CEP192: variants seen among roughly 807,000 people sequenced by gnomAD.
CEP192 encodes the protein centrosomal protein 192.
CEP192 carries 151 observed loss-of-function variants against 271.8 expected under a neutral mutation model. The observed-to-expected ratio is 0.56, with a 90% confidence interval of 0.49 to 0.64. CEP192 has a LOEUF of 0.64. Ranked by LOEUF, CEP192 falls within the 30% of genes least tolerant of loss-of-function variation. The probability of loss-of-function intolerance (pLI) is 0.00; values close to 1 mark genes in which losing one functional copy is unlikely to be tolerated. For synonymous variants in CEP192, 995 were observed against 1,076.5 expected (o/e 0.92, Z 1.48); for missense variants, 2,910 against 3,020.5 (o/e 0.96, Z 0.86).
At chr18:13,105,145 C>A in intron 40 of CEP192, 66 bp downstream of exon 40, 1 of 1,106,654 alleles carries the variant, frequency 9.0e-7, no homozygotes, top group South Asian at 1.2e-5. Flanking sequence ...TCATTGGATT[C>A]CACCCATTTA....
chr18:13,008,070 TATTA>T (rs1773389968), intron 3 of CEP192, among the ~76,000 whole-genome samples: 1 of 152,260 alleles, frequency 6.6e-6, no homozygotes, highest in African/African-American at 2.4e-5. Context: ...TTGAAACCTT[TATTA>T]ATTCAGAGAT....
At chr18:13,096,035 C>A in intron 35 of CEP192, 149 bp from the exon 36 acceptor site, 1 of 813,398 alleles carries the variant, frequency 1.2e-6, no homozygotes, top group Non-Finnish European at 1.9e-6. Flanking sequence ...TTGTTTACTA[C>A]CAAGGATTGG....
chr18:12,999,374 CATTTT>C lies in CEP192; in HGVS notation c.-4-44_-4-40del, dbSNP rs1363640373. 2.3e-6 allele frequency: 3 copies of C among 1,322,418 alleles called. No homozygotes were observed. In the Admixed American group the frequency reaches 9.6e-5, roughly 42 times the overall value. 81.9% of individuals were successfully genotyped at this position (1,322,418 alleles called of 1,614,324 possible). ...GACAATGCTTTTAATCATTTAAAAA[CATTTT>C]ATAGTAATATGTGACCTATAGAAAT... On this transcript the variant is annotated intron_variant, in intron 1 of 44. Transcript: ENST00000506447.
intron 38 of CEP192, among the ~76,000 whole-genome samples, chr18:13,101,735 C>T (rs1055284272): frequency 3.3e-5 from 5 of 152,146 alleles, no homozygotes; most frequent in Non-Finnish European, 2.9e-5. Context: ...CTGAGCCTGG[C>T]ACTTGCTGAC....
In CEP192 at chr18:13,068,364, A is replaced by G. The variant is rs369265261; in HGVS notation, c.4764A>G (p.Pro1588=). Reference sequence around the variant, plus strand: ...TTTTTCTTTTAATTTTATAGGATCCAGAATTTCTGATGATTTGGGTTCTTT... The same window carrying G: ...TTTTTCTTTTAATTTTATAGGATCCGGAATTTCTGATGATTTGGGTTCTTT... ...MMPASYDGQD[P]EFLMIWVLFH... The change falls in exon 24 of 45, where the codon CCA becomes CCG. Residue 1588 remains proline (P), a synonymous_variant. Coordinates refer to ENST00000506447, the MANE Select transcript of CEP192 (RefSeq NM_032142.4). 1 of 1,612,460 alleles carries G rather than the reference A, an allele frequency of 6.2e-7. No homozygotes were observed. The highest frequency in any genetic ancestry group is 8.5e-7 in the Non-Finnish European group (1 of 1,179,082).
At chr18:13,053,135 TA>T in intron 18 of CEP192, 45 bp downstream of exon 18, 1 of 1,466,736 alleles carries the variant, frequency 6.8e-7, no homozygotes, top group Non-Finnish European at 9.3e-7. Flanking sequence ...TTTCAACTCT[TA>T]AAAGTGTTAA....
chr18:13,028,808 C>G (rs2035454224), intron 9 of CEP192, among the ~76,000 whole-genome samples: 1 of 152,242 alleles, frequency 6.6e-6, no homozygotes, highest in Non-Finnish European at 1.5e-5. Context: ...GTGTGAGCTA[C>G]TGCGCCTGGC....
intron 17 of CEP192, 29 bp from the exon 18 acceptor site, chr18:13,052,890 T>C (rs760820737): frequency 1.5e-6 from 2 of 1,291,588 alleles, no homozygotes; most frequent in Non-Finnish European, 2.1e-6. Context: ...ACTGGAGAAC[T>C]CCAGGTGTGA....
rs2143831149 is a variant in CEP192 at position 13,042,371 on chromosome 18, C to T, written c.2067+37C>T. On this transcript the variant is annotated intron_variant, in intron 15 of 44. Transcript: ENST00000506447. Reference sequence around the variant, plus strand: ...CTTTCGTAAGGAAATCTAAGATTATCTTGTTGTAGTTCTTATCTAGGATCA... The same window carrying T: ...CTTTCGTAAGGAAATCTAAGATTATTTTGTTGTAGTTCTTATCTAGGATCA... 3 of 1,608,090 alleles carry T rather than the reference C, an allele frequency of 1.9e-6. No homozygotes were observed. In the East Asian group the frequency reaches 6.7e-5, roughly 36 times the overall value.
intron 38 of CEP192, 29 bp from the exon 39 acceptor site, chr18:13,103,480 T>TTGAGTTATGATATATG (rs1165674884): frequency 6.3e-7 from 1 of 1,580,908 alleles, no homozygotes; most frequent in African/African-American, 1.3e-5. Context: ...CTCTCCGAGT[T>TTGAGTTATGATATATG]TGAGTTATGA....
intron 32 of CEP192, 112 bp from the exon 33 acceptor site, chr18:13,089,344 A>C (rs2039035718): frequency 3.6e-6 from 2 of 551,336 alleles, no homozygotes; most frequent in Admixed American, 7.3e-5. Context: ...AGGTCTGTGT[A>C]CTAATATATC....
At chr18:13,081,434 T>C (rs1443597409) in intron 30 of CEP192, among the ~76,000 whole-genome samples, 3 of 152,250 alleles carry the variant, frequency 2.0e-5, no homozygotes, top group Non-Finnish European at 2.9e-5. Flanking sequence ...GAGGTGTTTA[T>C]ATTATTCTCT....
rs2036638777 is a variant in CEP192 at position 13,049,202 on chromosome 18, G to A, written c.2411G>A (p.Ser804Asn). 2.5e-6 allele frequency: 4 copies of A among 1,614,022 alleles called. No homozygotes were observed. Among genetic ancestry groups the A allele is most frequent in the Non-Finnish European group, 3.4e-6 (4 of 1,180,014 alleles). Reference sequence around the variant, plus strand: ...GCATTGGAAAACTTTTCAAGGGCTAGTATGTCTGATACTTGGGATTTATCT... The same window carrying A: ...GCATTGGAAAACTTTTCAAGGGCTAATATGTCTGATACTTGGGATTTATCT... ...ESALENFSRA[S>N]MSDTWDLSLP... The change falls in exon 16 of 45, where the codon AGT (serine) becomes AAT (asparagine). Residue 804 changes from serine (S) to asparagine (N), a missense_variant. By Grantham distance (46) the Ser-to-Asn change is conservative. Coordinates refer to ENST00000506447, the MANE Select transcript of CEP192 (RefSeq NM_032142.4).
At chr18:13,055,184 C>G (rs1315817179) in intron 18 of CEP192, among the ~76,000 whole-genome samples, 1 of 151,062 alleles carries the variant, frequency 6.6e-6, no homozygotes, top group Non-Finnish European at 1.5e-5. Flanking sequence ...GAGGCTGAGG[C>G]AGGAAAATGG....
At chr18:13,004,921 G>A (rs181724570) in intron 3 of CEP192, among the ~76,000 whole-genome samples, 14 of 152,210 alleles carry the variant, frequency 9.2e-5, no homozygotes, top group Admixed American at 6.5e-4. Flanking sequence ...TGTAAGATTG[G>A]CTTTAGGTTA....
chr18:13,071,418 C>A (rs1488914543), intron 28 of CEP192, among the ~76,000 whole-genome samples: 1 of 152,182 alleles, frequency 6.6e-6, no homozygotes, highest in Non-Finnish European at 1.5e-5. Context: ...TGACGCATGA[C>A]CAACAATACA....
chr18:13,115,546 G>T (rs2145097098), intron 42 of CEP192, among the ~76,000 whole-genome samples: 1 of 152,222 alleles, frequency 6.6e-6, no homozygotes, highest in East Asian at 1.9e-4. Context: ...CCTAGCTGTG[G>T]TATGACTGAT....
chr18:13,042,741 C>T (rs572686278), intron 15 of CEP192, among the ~76,000 whole-genome samples: 3 of 152,276 alleles, frequency 2.0e-5, no homozygotes, highest in Non-Finnish European at 2.9e-5. Context: ...TGGCTTTTTT[C>T]ACCTCACCTT....
Position 13,092,220 on chromosome 18 carries a change from G to A in CEP192, c.6104-157G>A, listed in dbSNP as rs192091885. On this transcript the variant is annotated intron_variant, in intron 33 of 44. Transcript: ENST00000506447. ...GTCAGCCACTGGTGCTGAATTGACT[G>A]TAATTTTGTGCCAGGTGGTATACTG... 9.8e-5 allele frequency among the ~76,000 whole-genome samples: 15 copies of A among 152,306 alleles called. 1 individual carries two copies. In the East Asian group the frequency reaches 2.9e-3, roughly 29 times the overall value.
Sources: allele counts gnomAD v4.1 joint callset (sites outside exome capture counted in the v4.1 genomes callset), GRCh38; gene constraint gnomAD v4.1.1; transcripts MANE v1.5; gene names NCBI Gene and HGNC (gene_info 2026-07-23, HGNC 2026-07-21).